Variants in C4orf50 observed in about 807,000 individuals in gnomAD.
C4orf50 encodes the protein uncharacterized protein C4orf50.
Under a neutral mutation model 77.2 loss-of-function variants are expected in C4orf50, and 80 were observed. The ratio of observed to expected loss-of-function variants is 1.04; its 90% CI spans 0.87 to 1.25. The LOEUF is 1.25. C4orf50 is among the 50% of genes most tolerant of loss of function. The pLI is 0.00. For synonymous variants in C4orf50, 532 were observed against 465.3 expected (o/e 1.14, Z -1.84); for missense variants, 1,257 against 1,152.9 (o/e 1.09, Z -1.31).
At chr4:5,913,751 A>C (rs555940840) in intron 7 of C4orf50, among the ~76,000 whole-genome samples, 1 of 152,322 alleles carries the variant, frequency 6.6e-6, no homozygotes, top group East Asian at 1.9e-4. Flanking sequence ...CCAGGCTGCC[A>C]AGGGAAAGAA....
rs527495649 is a variant in C4orf50, at chr4:5,932,235, C to T, written c.*2474+24666G>A. ...GGCTGAATGCCCCACAGAGCAGAAGCGTGTCGCATTTCTACTCTGGCACAC... is the reference window on the plus strand; with the variant it reads ...GGCTGAATGCCCCACAGAGCAGAAGTGTGTCGCATTTCTACTCTGGCACAC... On this transcript the variant is annotated intron_variant, in intron 7 of 7. Transcript: ENST00000324058. This position sits in a 1 kb window ranked among gnomAD's most constrained non-coding sequence, Gnocchi z 4.2. Among the ~76,000 whole-genome samples, 4 of 151,688 alleles carry T rather than the reference C, an allele frequency of 2.6e-5. No homozygotes were observed. The highest frequency in any genetic ancestry group is 4.2e-4 in the South Asian group (2 of 4,794).
At chr4:5,914,673 G>A (rs1560538887) in intron 7 of C4orf50, among the ~76,000 whole-genome samples, 1 of 152,180 alleles carries the variant, frequency 6.6e-6, no homozygotes, top group Admixed American at 6.5e-5. Context: ...AAATGTGTGC[G>A]ATGGTGCTTC....
Position 6,009,511 on chromosome 4 carries a change from G to A in C4orf50, c.427-979C>T, listed in dbSNP as rs1416818484. Among the ~76,000 whole-genome samples, 3 of 152,202 alleles carry A rather than the reference G, an allele frequency of 2.0e-5. No individual in the cohort carries two copies. Among genetic ancestry groups the A allele is most frequent in the African/African-American group, 7.2e-5 (3 of 41,440 alleles). ...AAAGTCAGGGTCAGATTCCCTGGGA[G>A]GACAATTCTCCTGGTCTTCCTGAAG... On this transcript the variant is annotated intron_variant, in intron 24 of 33. Coordinates refer to ENST00000531445, the Ensembl canonical transcript of C4orf50. The surrounding 1 kb of genome is among the most constrained non-coding windows in gnomAD (Gnocchi z 5.6).
chr4:5,981,057 A>AT (rs1266706868), intron 28 of C4orf50, among the ~76,000 whole-genome samples: 1 of 152,144 alleles, frequency 6.6e-6, no homozygotes, highest in South Asian at 2.1e-4. Flanking sequence ...CTAAATTCTT[A>AT]TTTTTTTAAA....
At chr4:5,931,336 T>C (rs796202226) in intron 7 of C4orf50, among the ~76,000 whole-genome samples, 21 of 151,658 alleles carry the variant, frequency 1.4e-4, no homozygotes, top group African/African-American at 4.6e-4. Flanking sequence ...TTAGGGAATC[T>C]AGGAGTGGTG....
chr4:5,942,316 G>T (rs1718301731), intron 7 of C4orf50, among the ~76,000 whole-genome samples: 1 of 152,160 alleles, frequency 6.6e-6, no homozygotes, highest in Non-Finnish European at 1.5e-5. Context: ...AGGGCTTGGG[G>T]GTCATACAGG....
intron 7 of C4orf50, among the ~76,000 whole-genome samples, chr4:5,939,128 AG>A (rs1718158502): frequency 6.6e-6 from 1 of 152,094 alleles, no homozygotes; most frequent in Non-Finnish European, 1.5e-5. Flanking sequence ...ATGTAATCCC[AG>A]CTACTCCAGA....
exon 34 of C4orf50, chr4:5,959,543 A>T (rs774967772): frequency 6.2e-7 from 1 of 1,614,016 alleles, no homozygotes; most frequent in African/African-American, 1.3e-5. Flanking sequence ...TTTCTTGCAG[A>T]CGTTGTGCGG....
At position 5,901,276 on chromosome 4, in the gene C4orf50, T is replaced by C. The variant is rs574971838; in HGVS notation, c.*2475-3088A>G. 5.9e-5 allele frequency: 9 copies of C among 152,290 alleles called. No homozygotes were observed. The highest frequency in any genetic ancestry group is 8.8e-5 in the Non-Finnish European group (6 of 68,024). The allele number at this position is 152,290 out of a possible 1,614,324, so 9.4% of individuals were successfully genotyped here. On this transcript the variant is annotated intron_variant, in intron 7 of 7. Coordinates refer to the C4orf50 transcript ENST00000324058. This position sits in a 1 kb window ranked among gnomAD's most constrained non-coding sequence, Gnocchi z 4.4. ...ATGTGCATTATATTAATGACATGAG[T>C]AAAGTATATGCACAACATGTAATTC...
chr4:5,903,850 T>C (rs903627106), intron 7 of C4orf50: 2 of 152,292 alleles, frequency 1.3e-5, no homozygotes, highest in Middle Eastern at 6.8e-3. Flanking sequence ...TCCAGCTCAG[T>C]GGCACAGAGC....
downstream of C4orf50, among the ~76,000 whole-genome samples, chr4:5,954,817 G>A (rs1006387189): frequency 6.6e-6 from 1 of 152,184 alleles, no homozygotes; most frequent in Non-Finnish European, 1.5e-5. This position sits in a 1 kb window ranked among gnomAD's most constrained non-coding sequence, Gnocchi z 4.7. Flanking sequence ...GGGAAAGGCT[G>A]TTCCAGAAAA....
At chr4:5,975,406 A>G (rs16837971) in intron 30 of C4orf50, among the ~76,000 whole-genome samples, 25 of 151,972 alleles carry the variant, frequency 1.6e-4, no homozygotes, top group African/African-American at 6.0e-4. Context: ...TCTCAAACAC[A>G]TGGGAAACGT....
exon 28 of C4orf50, chr4:5,990,514 C>T (rs1437772792): frequency 1.3e-5 from 5 of 399,154 alleles, no homozygotes; most frequent in Non-Finnish European, 2.2e-5. Context: ...ACAATCCCAG[C>T]CTGGGTGTCC....
Position 5,970,488 on chromosome 4 carries a change from G to A in C4orf50, c.4105-3026C>T, listed in dbSNP as rs931711203. On this transcript the variant is annotated intron_variant, in intron 31 of 33. Transcript: ENST00000531445. This position sits in a 1 kb window ranked among gnomAD's most constrained non-coding sequence, Gnocchi z 4.3. ...GGAGGGAAGCCAGGGCGGATACAAG[G>A]GTGACCCATGGACGCTAGTGACCCG... Among the ~76,000 whole-genome samples, 1 of 152,126 alleles carries A rather than the reference G, an allele frequency of 6.6e-6. No individual in the cohort carries two copies. The highest frequency in any genetic ancestry group is 2.4e-5 in the African/African-American group (1 of 41,444).
chr4:5,934,267 C>A (rs530514311), intron 7 of C4orf50, among the ~76,000 whole-genome samples: 1 of 152,272 alleles, frequency 6.6e-6, no homozygotes, highest in East Asian at 1.9e-4. Context: ...CCACGACCAC[C>A]CACACACATT....
chr4:5,898,750 A>G (rs1341348430), intron 7 of C4orf50: 1 of 152,258 alleles, frequency 6.6e-6, no homozygotes, highest in Non-Finnish European at 1.5e-5. Flanking sequence ...CAATCCCATT[A>G]ATTTGTCTCT....
In C4orf50 at chr4:5,905,693, G is replaced by A. The variant is rs750083659; in HGVS notation, c.*2475-7505C>T. 3.9e-5 allele frequency among the ~76,000 whole-genome samples: 6 copies of A among 152,222 alleles called. No homozygotes were observed. The highest frequency in any genetic ancestry group is 8.8e-5 in the Non-Finnish European group (6 of 68,046). ...TTTATTTGGGGTGCTTCAGACCCTT[G>A]ACATGATATGGAAATTTTATGTTAC... On this transcript the variant is annotated intron_variant, in intron 7 of 7. Coordinates refer to the C4orf50 transcript ENST00000324058. The surrounding 1 kb of genome is among the most constrained non-coding windows in gnomAD (Gnocchi z 5.4).
chr4:5,973,978 C>G, intron 30 of C4orf50, 137 bp from the exon 9 acceptor site: 1 of 703,642 alleles, frequency 1.4e-6, no homozygotes, highest in African/African-American at 1.8e-5. Context: ...GAGCAGCCTC[C>G]TCCCTGCGAA....
At chr4:6,014,975 T>C (rs1400939098) in intron 23 of C4orf50, among the ~76,000 whole-genome samples, 1 of 152,202 alleles carries the variant, frequency 6.6e-6, no homozygotes, top group Non-Finnish European at 1.5e-5. Context: ...TGGAGGGGTC[T>C]CCTTTGGTTG....
Sources: allele counts gnomAD v4.1 joint callset (sites outside exome capture counted in the v4.1 genomes callset), GRCh38; gene constraint gnomAD v4.1.1; non-coding constraint Gnocchi (gnomAD v3.1); transcripts MANE v1.5; gene names NCBI Gene and HGNC (gene_info 2026-07-23, HGNC 2026-07-21).